KHDRBS2: variants seen among roughly 807,000 people sequenced by gnomAD.
The protein encoded by KHDRBS2 is KH domain-containing, RNA-binding, signal transduction-associated protein 2.
In KHDRBS2, 26 loss-of-function variants were observed where a neutral mutation model predicts 44.3. The ratio of observed to expected loss-of-function variants is 0.59; its 90% CI spans 0.43 to 0.81. The LOEUF (loss-of-function observed/expected upper bound fraction) is 0.81, where lower values mean the gene tolerates loss of function less well. KHDRBS2 is among the 40% of genes least tolerant of loss of function. The pLI is 0.00. For missense variants in KHDRBS2, 476 were observed against 433.1 expected (o/e 1.10, Z -0.88); for synonymous variants, 194 against 151.1 (o/e 1.28, Z -2.08).
chr6:61,664,461 A>G, the KHDRBS2 span, among the ~76,000 whole-genome samples: 1 of 151,764 alleles, frequency 6.6e-6, no homozygotes, highest in Non-Finnish European at 1.5e-5. Flanking sequence ...GAACTGAGGA[A>G]AAGACAGTGC....
intron 1 of KHDRBS2, among the ~76,000 whole-genome samples, chr6:62,221,707 C>A (rs2150152712): frequency 6.6e-6 from 1 of 152,056 alleles, no homozygotes; most frequent in East Asian, 1.9e-4. Flanking sequence ...CTGTTGTAGT[C>A]AAATTTCATC....
In KHDRBS2 at chr6:62,233,802, C is replaced by T. The variant is rs1201658539; in HGVS notation, c.91+52056G>A. Among the ~76,000 whole-genome samples the T allele has an allele frequency of 2.0e-5, 3 of 152,098 alleles. No homozygotes were observed. In the East Asian group the frequency reaches 5.8e-4, roughly 29 times the overall value. ...ATGGCCTCTAGCTCCATCAATGTTC[C>T]TGCAAAGAACATGATCTCATTTTTT... is the stretch of plus-strand genomic sequence containing the variant. On this transcript the variant is annotated intron_variant, in intron 1 of 8. Transcript: ENST00000281156.
intron 8 of KHDRBS2, among the ~76,000 whole-genome samples, chr6:61,689,100 C>T (rs1767105470): frequency 6.6e-6 from 1 of 151,842 alleles, no homozygotes; most frequent in Non-Finnish European, 1.5e-5. Flanking sequence ...TGTCTGGACA[C>T]TGAGACTCCT....
intron 4 of KHDRBS2, among the ~76,000 whole-genome samples, chr6:61,936,169 T>C (rs1229830607): frequency 6.6e-6 from 1 of 152,104 alleles, no homozygotes; most frequent in Admixed American, 6.6e-5. Flanking sequence ...GGTATGTACA[T>C]ACATTTTACC....
chr6:61,789,520 C>A (rs533933237), intron 6 of KHDRBS2, among the ~76,000 whole-genome samples: 3 of 151,392 alleles, frequency 2.0e-5, no homozygotes, highest in Non-Finnish European at 4.4e-5. Flanking sequence ...AGGCAAGTAA[C>A]ATGTTTGGAA....
intron 6 of KHDRBS2, among the ~76,000 whole-genome samples, chr6:61,766,125 A>C (rs1348057265): frequency 6.6e-6 from 1 of 151,360 alleles, no homozygotes; most frequent in Non-Finnish European, 1.5e-5. Context: ...TTTTTGCTGG[A>C]AGACTTTTCA....
At chr6:62,209,461 G>A (rs903840542) in intron 1 of KHDRBS2, among the ~76,000 whole-genome samples, 5 of 152,280 alleles carry the variant, frequency 3.3e-5, no homozygotes, top group East Asian at 1.9e-4. Flanking sequence ...ATGTGTTTGC[G>A]TGTATACACA....
the KHDRBS2 span, among the ~76,000 whole-genome samples, chr6:61,587,991 T>C: frequency 1.3e-5 from 2 of 152,336 alleles, no homozygotes; most frequent in East Asian, 3.9e-4. Context: ...TTGTCACCAA[T>C]TTCTAGTTCA....
At chr6:62,059,853 T>C (rs1033850966) in intron 2 of KHDRBS2, among the ~76,000 whole-genome samples, 4 of 151,678 alleles carry the variant, frequency 2.6e-5, no homozygotes, top group African/African-American at 4.8e-5. Context: ...GAAGGGTAAA[T>C]AATTTCTGGA....
At chr6:61,695,576 G>T (rs1037604332) in intron 8 of KHDRBS2, among the ~76,000 whole-genome samples, 3 of 152,096 alleles carry the variant, frequency 2.0e-5, no homozygotes, top group African/African-American at 7.2e-5. Flanking sequence ...AACCACCGAT[G>T]AGAATATAAG....
At chr6:61,694,729 A>G (rs1309387241) in intron 8 of KHDRBS2, among the ~76,000 whole-genome samples, 1 of 152,160 alleles carries the variant, frequency 6.6e-6, no homozygotes, top group Non-Finnish European at 1.5e-5. Flanking sequence ...TTTATTAAAT[A>G]CCATCTAATG....
At chr6:62,242,660 G>A (rs1834878386) in intron 1 of KHDRBS2, among the ~76,000 whole-genome samples, 1 of 151,956 alleles carries the variant, frequency 6.6e-6, no homozygotes, top group South Asian at 2.1e-4. Context: ...TTTCCCCTAG[G>A]AGTTAACTAC....
At chr6:62,022,475 T>C (rs1280297046) in intron 3 of KHDRBS2, among the ~76,000 whole-genome samples, 1 of 151,762 alleles carries the variant, frequency 6.6e-6, no homozygotes, top group Non-Finnish European at 1.5e-5. Flanking sequence ...ACATACTGTA[T>C]TGGCCATCTT....
In KHDRBS2 at chr6:61,995,334, G is replaced by A. The variant is rs1584036891; in HGVS notation, c.337-17122C>T. Reference sequence around the variant, plus strand: ...AGAAAAACAAGACTTTATCCTAGAAGTGACTATTTTTGCTTTACTTTTTAA... The same window carrying A: ...AGAAAAACAAGACTTTATCCTAGAAATGACTATTTTTGCTTTACTTTTTAA... On this transcript the variant is annotated intron_variant, in intron 3 of 8. Transcript: ENST00000281156. 2.0e-5 allele frequency among the ~76,000 whole-genome samples: 3 copies of A among 152,272 alleles called. 1 individual carries two copies. The highest frequency in any genetic ancestry group is 4.8e-5 in the African/African-American group (2 of 41,554).
the KHDRBS2 span, among the ~76,000 whole-genome samples, chr6:61,622,365 T>C: frequency 6.6e-6 from 1 of 152,262 alleles, no homozygotes; most frequent in East Asian, 1.9e-4. Flanking sequence ...AATCTCAGCA[T>C]AACCTGGCTA....
At chr6:61,774,319 T>C (rs930876612) in intron 6 of KHDRBS2, among the ~76,000 whole-genome samples, 83 of 152,204 alleles carry the variant, frequency 5.5e-4, no homozygotes, top group Admixed American at 2.4e-3. Flanking sequence ...TTTTATTTCA[T>C]TGAGCAGTGT....
At chr6:61,784,763 A>G (rs1783525056) in intron 6 of KHDRBS2, among the ~76,000 whole-genome samples, 1 of 152,168 alleles carries the variant, frequency 6.6e-6, no homozygotes. Flanking sequence ...TTCTAAATCT[A>G]CATGTATCCG....
intron 4 of KHDRBS2, among the ~76,000 whole-genome samples, chr6:61,917,960 G>A (rs1216356996): frequency 2.6e-5 from 4 of 151,966 alleles, no homozygotes; most frequent in African/African-American, 2.4e-5. Flanking sequence ...GGGATAGGAA[G>A]ATATTGAAGG....
chr6:61,958,276 T>A (rs1379590247), intron 4 of KHDRBS2, among the ~76,000 whole-genome samples: 1 of 152,140 alleles, frequency 6.6e-6, no homozygotes, highest in African/African-American at 2.4e-5. Context: ...AGTTAGTACA[T>A]GCTGTTTCTG....
Sources: allele counts gnomAD v4.1 joint callset (sites outside exome capture counted in the v4.1 genomes callset), GRCh38; gene constraint gnomAD v4.1.1; transcripts MANE v1.5; gene names NCBI Gene and HGNC (gene_info 2026-07-23, HGNC 2026-07-21).